Variants in TMEFF2 observed in about 807,000 individuals in gnomAD.
TMEFF2 encodes transmembrane protein with EGF like and two follistatin like domains 2.
In TMEFF2, 28 loss-of-function variants were observed where a neutral mutation model predicts 53.8. The ratio of observed to expected loss-of-function variants is 0.52; its 90% CI spans 0.39 to 0.71. TMEFF2 has a LOEUF of 0.71. Among genes scored for constraint, TMEFF2 ranks in the 30% least tolerant of loss-of-function variants. TMEFF2 has a pLI of 0.00. For missense variants in TMEFF2, 353 were observed against 455.2 expected (o/e 0.78, Z 2.04); for synonymous variants, 162 against 166.3 (o/e 0.97, Z 0.20).
At chr2:191,995,087 C>T (rs1268928388) in intron 7 of TMEFF2, among the ~76,000 whole-genome samples, 1 of 151,976 alleles carries the variant, frequency 6.6e-6, no homozygotes, top group Non-Finnish European at 1.5e-5. Context: ...TAGTATACTG[C>T]ACATATTAGT....
chr2:192,068,616 A>C (rs571026007), intron 4 of TMEFF2, among the ~76,000 whole-genome samples: 1 of 151,862 alleles, frequency 6.6e-6, no homozygotes, highest in South Asian at 2.1e-4. Flanking sequence ...AGAAAGCACT[A>C]AAGTGCTATT....
intron 4 of TMEFF2, among the ~76,000 whole-genome samples, chr2:192,077,618 G>A (rs763050572): frequency 2.0e-5 from 3 of 151,788 alleles, no homozygotes; most frequent in East Asian, 1.9e-4. Flanking sequence ...CTTCTTGATC[G>A]TTAAATCAAG....
intron 4 of TMEFF2, among the ~76,000 whole-genome samples, chr2:192,077,357 A>G (rs967721626): frequency 2.6e-5 from 4 of 152,138 alleles, no homozygotes; most frequent in African/African-American, 9.7e-5. Flanking sequence ...TTTGATTACT[A>G]TAATAATGGA....
At chr2:192,060,192 C>T (rs1020308991) in intron 4 of TMEFF2, among the ~76,000 whole-genome samples, 4 of 152,090 alleles carry the variant, frequency 2.6e-5, no homozygotes, top group Non-Finnish European at 4.4e-5. Context: ...CTTCATCTGT[C>T]CAGAGCATCC....
chr2:192,117,200 TCA>T (rs1273096015), intron 4 of TMEFF2, among the ~76,000 whole-genome samples: 1 of 152,142 alleles, frequency 6.6e-6, no homozygotes, highest in Non-Finnish European at 1.5e-5. Context: ...CAGTGCTCTC[TCA>T]GAGTTATGAA....
At chr2:192,085,577 C>G (rs1032585820) in intron 4 of TMEFF2, among the ~76,000 whole-genome samples, 2 of 152,056 alleles carry the variant, frequency 1.3e-5, no homozygotes, top group African/African-American at 4.8e-5. Flanking sequence ...AACCTCAAAA[C>G]AGTGTGCTTG....
intron 7 of TMEFF2, among the ~76,000 whole-genome samples, chr2:191,988,548 C>T (rs536279728): frequency 3.9e-5 from 6 of 152,242 alleles, no homozygotes; most frequent in South Asian, 2.1e-4. Flanking sequence ...ATCGCTTGTT[C>T]GTTTAAAGTC....
chr2:192,061,433 C>G (rs1025589875), intron 4 of TMEFF2, among the ~76,000 whole-genome samples: 1 of 152,036 alleles, frequency 6.6e-6, no homozygotes, highest in African/African-American at 2.4e-5. Context: ...TTTTACACAG[C>G]ATTTATGTTG....
chr2:192,130,556 C>A (rs35358518), intron 4 of TMEFF2, among the ~76,000 whole-genome samples: 2 of 151,900 alleles, frequency 1.3e-5, no homozygotes, highest in Non-Finnish European at 2.9e-5. Context: ...CTTAACTGAG[C>A]GATTAACCCT....
chr2:192,126,727 G>A (rs1456390611), intron 4 of TMEFF2, among the ~76,000 whole-genome samples: 1 of 152,174 alleles, frequency 6.6e-6, no homozygotes, highest in Admixed American at 6.5e-5. Context: ...TTAGGAAACT[G>A]AGGCTCAGAG....
chr2:191,953,882 CA>C lies in TMEFF2; in HGVS notation c.870-46del, dbSNP rs1559058007. On this transcript the variant is annotated intron_variant, in intron 8 of 9. Coordinates refer to ENST00000272771, the MANE Select transcript of TMEFF2 (RefSeq NM_016192.4). Reference sequence around the variant, plus strand: ...CCAGTTACCTGTAGGGTGCTGCATTCATTTTTTTTTTTTTTTTTTTTTTTTG... The same window carrying C: ...CCAGTTACCTGTAGGGTGCTGCATTCTTTTTTTTTTTTTTTTTTTTTTTTG... 53 of 662,420 alleles carry C rather than the reference CA, an allele frequency of 8.0e-5. No homozygotes were observed. The South Asian group carries it at 1.3e-3, about 17-fold the overall frequency. 41.0% of individuals were successfully genotyped at this position (662,420 alleles called of 1,614,324 possible). A position where few individuals can be genotyped will look rare whatever the true frequency, so the allele number is the denominator to read the frequency against.
chr2:192,071,903 G>A (rs535555900), intron 4 of TMEFF2, among the ~76,000 whole-genome samples: 19 of 151,938 alleles, frequency 1.3e-4, no homozygotes, highest in African/African-American at 4.3e-4. Flanking sequence ...AATAAGTTAC[G>A]TGCTGAGTCA....
chr2:192,050,247 C>T (rs753070034), intron 5 of TMEFF2, among the ~76,000 whole-genome samples: 1 of 152,068 alleles, frequency 6.6e-6, no homozygotes, highest in Non-Finnish European at 1.5e-5. Flanking sequence ...TGGTATTCTA[C>T]ACCAGATCTG....
chr2:192,000,241 C>T (rs890159822), intron 5 of TMEFF2, among the ~76,000 whole-genome samples: 8 of 151,954 alleles, frequency 5.3e-5, no homozygotes, highest in African/African-American at 1.9e-4. Flanking sequence ...ATATGTTTCT[C>T]AAAGTCATGA....
Sources: gnomAD v4.1 joint callset for allele counts (sites outside exome capture counted in the v4.1 genomes callset) on GRCh38, gnomAD v4.1.1 for gene constraint, MANE v1.5 for transcripts, NCBI Gene and HGNC (gene_info 2026-07-23, HGNC 2026-07-21) for gene names.